Variants in MOB3B observed in about 807,000 individuals in gnomAD.
The protein encoded by MOB3B is MOB kinase activator 3B.
A neutral mutation model predicts 18.7 loss-of-function variants in MOB3B; 7 were observed. The observed-to-expected ratio is 0.37, with a 90% CI of 0.21 to 0.70. The LOEUF is 0.70. MOB3B is among the 30% of genes least tolerant of loss of function. MOB3B has a pLI of 0.52. For synonymous variants in MOB3B, 111 were observed against 99.9 expected (o/e 1.11, Z -0.66); for missense variants, 253 against 281.3 (o/e 0.90, Z 0.72).
intron 2 of MOB3B, among the ~76,000 whole-genome samples, chr9:27,428,053 T>C (rs1277631776): frequency 2.6e-5 from 4 of 152,214 alleles, no homozygotes; most frequent in South Asian, 2.1e-4. Context: ...GGTCACACTT[T>C]AGGCATAATC....
At chr9:27,420,245 G>A (rs981069708) in intron 2 of MOB3B, among the ~76,000 whole-genome samples, 2 of 151,988 alleles carry the variant, frequency 1.3e-5, no homozygotes, top group Non-Finnish European at 2.9e-5. Context: ...AAAACAGTGT[G>A]GAGATTCCTT....
chr9:27,494,902 G>T (rs374618013), intron 1 of MOB3B, among the ~76,000 whole-genome samples: 4 of 152,298 alleles, frequency 2.6e-5, no homozygotes, highest in African/African-American at 9.6e-5. Flanking sequence ...TGAAGATCTT[G>T]TTAAAATGCA....
intron 1 of MOB3B, among the ~76,000 whole-genome samples, chr9:27,477,690 T>C (rs1224218976): frequency 6.6e-6 from 1 of 152,244 alleles, no homozygotes; most frequent in Non-Finnish European, 1.5e-5. Flanking sequence ...ATCACAAGAA[T>C]GTACCTCATA....
chr9:27,466,519 G>T (rs558986479), intron 1 of MOB3B, among the ~76,000 whole-genome samples: 5 of 152,164 alleles, frequency 3.3e-5, no homozygotes, highest in Middle Eastern at 3.4e-3. Context: ...TTTCAGCAAC[G>T]CCTCACTCTA....
intron 2 of MOB3B, among the ~76,000 whole-genome samples, chr9:27,413,337 T>C (rs897112526): frequency 6.6e-6 from 1 of 152,182 alleles, no homozygotes; most frequent in Non-Finnish European, 1.5e-5. Context: ...CTTTTTTTTT[T>C]TGTGGAGCTT....
intron 1 of MOB3B, among the ~76,000 whole-genome samples, chr9:27,467,709 C>A (rs1272911384): frequency 6.6e-6 from 1 of 152,250 alleles, no homozygotes; most frequent in African/African-American, 2.4e-5. Context: ...CTCAGCCTGA[C>A]CTTTTTTCCT....
intron 3 of MOB3B, among the ~76,000 whole-genome samples, chr9:27,339,987 A>G (rs1254072786): frequency 6.6e-6 from 1 of 152,252 alleles, no homozygotes; most frequent in Admixed American, 6.5e-5. Context: ...CTCTAAGTAT[A>G]TACAGGATCC....
chr9:27,490,500 A>T (rs907443650), intron 1 of MOB3B, among the ~76,000 whole-genome samples: 2 of 152,246 alleles, frequency 1.3e-5, no homozygotes, highest in African/African-American at 4.8e-5. Context: ...AATGTGGGCC[A>T]TTTAAAGATG....
intron 3 of MOB3B, among the ~76,000 whole-genome samples, chr9:27,339,755 A>G: frequency 6.6e-6 from 1 of 152,214 alleles, no homozygotes; most frequent in Admixed American, 6.5e-5. Context: ...TGCTGAATAT[A>G]TCTTCATTCA....
intron 2 of MOB3B, among the ~76,000 whole-genome samples, chr9:27,393,884 A>G (rs1223403999): frequency 2.6e-5 from 4 of 152,156 alleles, no homozygotes; most frequent in Non-Finnish European, 4.4e-5. Context: ...TCCTCCAAGT[A>G]AAAAAATAAA....
chr9:27,332,381 G>C (rs1820802779), intron 3 of MOB3B, among the ~76,000 whole-genome samples: 1 of 152,238 alleles, frequency 6.6e-6, no homozygotes, highest in South Asian at 2.1e-4. Context: ...GACAGAAAGA[G>C]AAGTAGGGAG....
At chr9:27,361,883 C>T (rs1821279770) in intron 2 of MOB3B, among the ~76,000 whole-genome samples, 1 of 152,226 alleles carries the variant, frequency 6.6e-6, no homozygotes, top group African/African-American at 2.4e-5. Flanking sequence ...CACTTCTCCT[C>T]CCCTGGTTCC....
intron 2 of MOB3B, among the ~76,000 whole-genome samples, chr9:27,402,298 G>A (rs1821897257): frequency 6.6e-6 from 1 of 152,160 alleles, no homozygotes; most frequent in African/African-American, 2.4e-5. Context: ...GTATTTATAT[G>A]TTTCTATCAT....
At chr9:27,509,913 TG>T (rs1424418221) in intron 1 of MOB3B, among the ~76,000 whole-genome samples, 5 of 152,048 alleles carry the variant, frequency 3.3e-5, no homozygotes. Flanking sequence ...TTAGTAGAGA[TG>T]GGGTTTCACC....
rs532669833 is a variant in MOB3B, at chr9:27,494,414, G to A, written c.-199+35141C>T. Among the ~76,000 whole-genome samples, 11 of 152,228 alleles carry A rather than the reference G, an allele frequency of 7.2e-5. No homozygotes were observed. In the South Asian group the frequency reaches 2.3e-3, roughly 32 times the overall value. On this transcript the variant is annotated intron_variant, in intron 1 of 3. Coordinates refer to ENST00000262244, the MANE Select transcript of MOB3B (RefSeq NM_024761.5). ...GTTTTTGCGGCTTGTGGGGCATCAT[G>A]GACCCTACCGACATGTGATGTCTCC...
At chr9:27,370,754 T>C (rs1821404392) in intron 2 of MOB3B, among the ~76,000 whole-genome samples, 2 of 152,142 alleles carry the variant, frequency 1.3e-5, no homozygotes, top group South Asian at 4.1e-4. Flanking sequence ...ACTAGGCCAG[T>C]GAATAAACAA....
At chr9:27,520,824 G>C (rs553514724) in intron 1 of MOB3B, among the ~76,000 whole-genome samples, 5 of 152,206 alleles carry the variant, frequency 3.3e-5, no homozygotes, top group African/African-American at 1.2e-4. Context: ...GTGGGAGCTT[G>C]CATGGTGGAT....
chr9:27,349,092 G>C (rs528095944), intron 3 of MOB3B, among the ~76,000 whole-genome samples: 1 of 152,262 alleles, frequency 6.6e-6, no homozygotes, highest in East Asian at 1.9e-4. Context: ...TTGTCTATTG[G>C]TCCATTTACA....
chr9:27,362,623 G>A (rs1377512821), intron 2 of MOB3B, among the ~76,000 whole-genome samples: 1 of 152,102 alleles, frequency 6.6e-6, no homozygotes, highest in East Asian at 1.9e-4. Flanking sequence ...TTCAAGTTGA[G>A]ACATGTTCAG....
Sources: gnomAD v4.1 joint callset for allele counts (sites outside exome capture counted in the v4.1 genomes callset) on GRCh38, gnomAD v4.1.1 for gene constraint, MANE v1.5 for transcripts, NCBI Gene and HGNC (gene_info 2026-07-23, HGNC 2026-07-21) for gene names.